The following KLK14 variants were observed in gnomAD, a reference collection of about 807,000 sequenced individuals.
The protein encoded by KLK14 is kallikrein-14.
KLK14 carries 21 observed loss-of-function variants against 24.6 expected under a neutral mutation model. The ratio of observed to expected loss-of-function variants is 0.85; its 90% CI spans 0.61 to 1.23. The LOEUF is 1.23. Among genes scored for constraint, KLK14 ranks in the 50% most tolerant of loss-of-function variants. KLK14 has a pLI of 0.00. For synonymous variants in KLK14, 133 were observed against 139.7 expected (o/e 0.95, Z 0.34); for missense variants, 320 against 338.9 (o/e 0.94, Z 0.44).
rs371735662 is a variant in KLK14, at chr19:51,081,662, C to T, written c.82G>A (p.Gly28Ser). The T allele has an allele frequency of 3.9e-6, 6 of 1,552,136 alleles. No homozygotes were observed. In the African/African-American group the frequency reaches 8.2e-5, roughly 21 times the overall value. ...SQEDENKIIG[G>S]HTCTRSSQPW... ...TGGGAGCTCCGGGTGCACGTATGGC[C>T]ACCAATTATCTTGTTCTCATCCTCT... is the stretch of plus-strand genomic sequence containing the variant. The change falls in exon 3 of 6, where the codon GGC becomes AGC. Residue 28 changes from glycine to serine, a missense_variant. Physicochemically the swap from Gly to Ser is moderately conservative, Grantham distance 56. Coordinates refer to ENST00000650543, the MANE Select transcript of KLK14 (RefSeq NM_001369775.2).
In KLK14 at chr19:51,078,245, G is replaced by A; in HGVS notation, c.604-86C>T. On this transcript the variant is annotated intron_variant, in intron 5 of 5. Transcript: ENST00000650543. The surrounding 1 kb of genome is among the most constrained non-coding windows in gnomAD (Gnocchi z 5.0). ...CAGAGAACCCGAGAAGCAGACACAG[G>A]GAGACAGGCAGAGACACTGGTGGAC... 1 of 1,409,134 alleles carries A rather than the reference G, an allele frequency of 7.1e-7. No homozygotes were observed. The highest frequency in any genetic ancestry group is 9.7e-7 in the Non-Finnish European group (1 of 1,029,878). The allele number at this position is 1,409,134 out of a possible 1,614,324, so 87.3% of individuals were successfully genotyped here.
At chr19:51,083,238 G>A (rs111311559), upstream of KLK14, among the ~76,000 whole-genome samples, 8 of 149,022 alleles carry the variant, frequency 5.4e-5, no homozygotes, top group South Asian at 2.1e-4. Flanking sequence ...GCTGAGAGAG[G>A]GAGGAAGAGA....
Position 51,079,516 on chromosome 19 carries a change from G to A in KLK14, c.399C>T (p.Thr133=), listed in dbSNP as rs747206235. 3.1e-6 allele frequency: 5 copies of A among 1,613,834 alleles called. No individual in the cohort carries two copies. Among genetic ancestry groups the A allele is most frequent in the Non-Finnish European group, 3.4e-6 (4 of 1,180,014 alleles). ...AGGTCCCGGGGCTGGCACAGGCCTG[G>A]GTGACCTCAATGGGCCTGACTGCCC... is the stretch of plus-strand genomic sequence containing the variant. The part of the protein sequence containing the change: ...IGRAVRPIEV[T]QACASPGTSC... The change falls in exon 4 of 6, where the codon ACC becomes ACT. Residue 133 remains threonine (T), a synonymous_variant. Coordinates refer to ENST00000650543, the MANE Select transcript of KLK14 (RefSeq NM_001369775.2).
chr19:51,080,182 A>ATT lies in KLK14; in HGVS notation c.213-482_213-481dup, dbSNP rs5828456. Reference sequence around the variant, plus strand: ...GGATTATGACTTGATTTATTTATTTATTTTTTTTTTGTGATGGAGTCTCGC... The same window carrying ATT: ...GGATTATGACTTGATTTATTTATTTATTTTTTTTTTTTGTGATGGAGTCTCGC... On this transcript the variant is annotated intron_variant, in intron 3 of 5. Coordinates refer to ENST00000650543, the MANE Select transcript of KLK14 (RefSeq NM_001369775.2). Among the ~76,000 whole-genome samples the ATT allele has an allele frequency of 1.7e-3, 249 of 145,114 alleles. 3 individuals carry two copies. In the South Asian group the frequency reaches 0.039, roughly 23 times the overall value.
At position 51,079,563 on chromosome 19, in the gene KLK14, G is replaced by A; in HGVS notation, c.352C>T (p.Gln118Ter). Reference sequence around the variant, plus strand: ...GCCCTCCCGATCCGTGCGGGCTGCTGTAGCTGCAGCAGCATGAGGTCGTTG... The same window carrying A: ...GCCCTCCCGATCCGTGCGGGCTGCTATAGCTGCAGCAGCATGAGGTCGTTG... ...HDNDLMLLQLQQPARIGRAVR... is the reference protein window; with the variant it reads ...HDNDLMLLQL The change falls in exon 4 of 6, where the codon CAG (glutamine) becomes TAG (stop). Residue 118 changes from glutamine to a stop codon, truncating the protein, a stop_gained. Coordinates refer to ENST00000650543, the MANE Select transcript of KLK14 (RefSeq NM_001369775.2). LOFTEE classifies it high-confidence loss of function. 4 of 1,614,028 alleles carry A rather than the reference G, an allele frequency of 2.5e-6. No homozygotes were observed. The highest frequency in any genetic ancestry group is 1.1e-5 in the South Asian group (1 of 91,058).
upstream of KLK14, among the ~76,000 whole-genome samples, chr19:51,083,612 G>C (rs1158831008): frequency 3.9e-5 from 6 of 152,014 alleles, no homozygotes; most frequent in African/African-American, 1.4e-4. Context: ...TGAGGAGAGA[G>C]CTGGAGAAAC....
In KLK14 at chr19:51,082,199, G is replaced by GCCACC. The variant is rs1568598864; in HGVS notation, c.40+375_40+376insGGTGG. Among the ~76,000 whole-genome samples the GCCACC allele has an allele frequency of 3.2e-3, 479 of 148,850 alleles. 6 individuals carry two copies. The highest frequency in any genetic ancestry group is 0.011 in the African/African-American group (433 of 38,966). The stretch of plus-strand genomic sequence containing the variant: ...TCCCGCCACCCCATGCCACGATCCC[G>GCCACC]CCATCCCATCATCCTTCTCCACCTT... On this transcript the variant is annotated intron_variant, in intron 2 of 5. Coordinates refer to ENST00000650543, the MANE Select transcript of KLK14 (RefSeq NM_001369775.2).
Position 51,082,730 on chromosome 19 carries a change from C to T in KLK14, c.-31G>A. On this transcript the variant is annotated 5_prime_UTR_variant, in exon 1 of 6. Coordinates refer to ENST00000650543, the MANE Select transcript of KLK14 (RefSeq NM_001369775.2). ...CAGCAAGGGGCACTTACCCAGAGCCCAAGACCCTCAGGGACATGAAGACAC... is the reference window on the plus strand; with the variant it reads ...CAGCAAGGGGCACTTACCCAGAGCCTAAGACCCTCAGGGACATGAAGACAC... 1 of 1,613,956 alleles carries T rather than the reference C, an allele frequency of 6.2e-7. No individual in the cohort carries two copies. Among genetic ancestry groups the T allele is most frequent in the Non-Finnish European group, 8.5e-7 (1 of 1,179,990 alleles).
At position 51,078,706 on chromosome 19, in the gene KLK14, G is replaced by A; in HGVS notation, c.603+109C>T. On this transcript the variant is annotated intron_variant, in intron 5 of 5. Transcript: ENST00000650543. The surrounding 1 kb of genome is among the most constrained non-coding windows in gnomAD (Gnocchi z 5.0). Reference sequence around the variant, plus strand: ...TGGCTATCGGAATCTCTCTGTGCCTGCGGTTCACTCTCTTCTGAAGACCTC... The same window carrying A: ...TGGCTATCGGAATCTCTCTGTGCCTACGGTTCACTCTCTTCTGAAGACCTC... 7.1e-7 allele frequency: 1 copy of A among 1,413,244 alleles called. No individual in the cohort carries two copies. Among genetic ancestry groups the A allele is most frequent in the South Asian group, 1.3e-5 (1 of 75,060 alleles). 87.5% of individuals were successfully genotyped at this position (1,413,244 alleles called of 1,614,324 possible).
In KLK14 at chr19:51,078,139, C is replaced by G; in HGVS notation, c.624G>C (p.Leu208=). The change falls in exon 6 of 6, where the codon CTG becomes CTC. Residue 208 remains leucine, a synonymous_variant. Transcript: ENST00000650543. This position sits in a 1 kb window ranked among gnomAD's most constrained non-coding sequence, Gnocchi z 5.0. ...DSCQGDSGGP[L]VCRGQLQGLV... Reference sequence around the variant, plus strand: ...GGCCCTGGAGCTGTCCTCTGCACACCAGGGGTCCCCCAGAGTCACCCTGAG... The same window carrying G: ...GGCCCTGGAGCTGTCCTCTGCACACGAGGGGTCCCCCAGAGTCACCCTGAG... 2 of 1,613,762 alleles carry G rather than the reference C, an allele frequency of 1.2e-6. No homozygotes were observed. Among genetic ancestry groups the G allele is most frequent in the African/African-American group, 1.3e-5 (1 of 75,038 alleles).
Position 51,078,198 on chromosome 19 carries a change from G to A in KLK14, c.604-39C>T, listed in dbSNP as rs1210171028. The A allele has an allele frequency of 6.2e-6, 10 of 1,602,088 alleles. No individual in the cohort carries two copies. The African/African-American group carries it at 1.2e-4, about 19-fold the overall frequency. On this transcript the variant is annotated intron_variant, in intron 5 of 5. Coordinates refer to ENST00000650543, the MANE Select transcript of KLK14 (RefSeq NM_001369775.2). This position sits in a 1 kb window ranked among gnomAD's most constrained non-coding sequence, Gnocchi z 5.0. The stretch of plus-strand genomic sequence containing the variant: ...ACAGAAATGGAGACACTGATGGACA[G>A]GTAGCCAGAGCCACCATGGCACAGA...
At position 51,078,437 on chromosome 19, in the gene KLK14, T is replaced by C. The variant is rs2091816887; in HGVS notation, c.604-278A>G. ...TCCAACTGTAGAACATTTGTGTGTC[T>C]CTCTTTTTCTATTTCCCCATCTCTG... On this transcript the variant is annotated intron_variant, in intron 5 of 5. Coordinates refer to ENST00000650543, the MANE Select transcript of KLK14 (RefSeq NM_001369775.2). The surrounding 1 kb of genome is among the most constrained non-coding windows in gnomAD (Gnocchi z 5.0). Among the ~76,000 whole-genome samples the C allele has an allele frequency of 6.6e-6, 1 of 152,102 alleles. No homozygotes were observed. Among genetic ancestry groups the C allele is most frequent in the African/African-American group, 2.4e-5 (1 of 41,398 alleles).
Position 51,079,557 on chromosome 19 carries a change from G to C in KLK14, c.358C>G (p.Pro120Ala). The C allele has an allele frequency of 6.2e-7, 1 of 1,614,008 alleles. No homozygotes were observed. Among genetic ancestry groups the C allele is most frequent in the South Asian group, 1.1e-5 (1 of 91,056 alleles). ...CTGACTGCCCTCCCGATCCGTGCGG[G>C]CTGCTGTAGCTGCAGCAGCATGAGG... Reference protein sequence around the residue: ...NDLMLLQLQQPARIGRAVRPI... With the variant: ...NDLMLLQLQQAARIGRAVRPI... Residue 120 changes from proline to alanine, a missense_variant, in exon 4 of 6, where the codon CCC becomes GCC. By Grantham distance (27) the Pro-to-Ala change is conservative. Transcript: ENST00000650543.
chr19:51,079,832 G>A lies in KLK14; in HGVS notation c.213-130C>T. ...CTAGCCTGCTTCTCACTAACTGCAG[G>A]CCGAGCATTCTTGGCCTCCTGTGCC... On this transcript the variant is annotated intron_variant, in intron 3 of 5. Coordinates refer to ENST00000650543, the MANE Select transcript of KLK14 (RefSeq NM_001369775.2). 9 of 1,388,376 alleles carry A rather than the reference G, an allele frequency of 6.5e-6. No individual in the cohort carries two copies. The South Asian group carries it at 1.3e-4, about 20-fold the overall frequency. The allele number at this position is 1,388,376 out of a possible 1,614,324, so 86.0% of individuals were successfully genotyped here.
rs1377024641 is a variant in KLK14 at position 51,079,312 on chromosome 19, T to G, written c.466+137A>C. 5 of 889,872 alleles carry G rather than the reference T, an allele frequency of 5.6e-6. No individual in the cohort carries two copies. The African/African-American group carries it at 7.8e-5, about 14-fold the overall frequency. The allele number at this position is 889,872 out of a possible 1,614,324, so 55.1% of individuals were successfully genotyped here. On this transcript the variant is annotated intron_variant, in intron 4 of 5. Transcript: ENST00000650543. ...CCCAGGAGTCCAGGCCTCAGCCCCC[T>G]CCTCCCTCAGACCCAGGAGTCCAGG... is the stretch of plus-strand genomic sequence containing the variant.
rs757006659 is a variant in KLK14, at chr19:51,078,145, TC to T, written c.617del (p.Gly206AspfsTer?). On this transcript the variant is annotated frameshift_variant, in exon 6 of 6. Coordinates refer to ENST00000650543, the MANE Select transcript of KLK14 (RefSeq NM_001369775.2). LOFTEE classifies it low-confidence loss of function (END_TRUNC). This position sits in a 1 kb window ranked among gnomAD's most constrained non-coding sequence, Gnocchi z 5.0. The stretch of plus-strand genomic sequence containing the variant: ...GGAGCTGTCCTCTGCACACCAGGGG[TC>T]CCCCAGAGTCACCCTGAGGGGGAGG... ...GKDSCQGDSG[G>X]PLVCRGQLQG... 2 of 1,613,262 alleles carry T rather than the reference TC, an allele frequency of 1.2e-6. No individual in the cohort carries two copies. Among genetic ancestry groups the T allele is most frequent in the South Asian group, 2.2e-5 (2 of 91,052 alleles).
Position 51,078,229 on chromosome 19 carries a change from C to A in KLK14, c.604-70G>T. 1.3e-6 allele frequency: 2 copies of A among 1,513,246 alleles called. No homozygotes were observed. Among genetic ancestry groups the A allele is most frequent in the South Asian group, 2.4e-5 (2 of 84,376 alleles). The allele number at this position is 1,513,246 out of a possible 1,614,324, so 93.7% of individuals were successfully genotyped here. A position where few individuals can be genotyped will look rare whatever the true frequency, so the allele number is the denominator to read the frequency against. On this transcript the variant is annotated intron_variant, in intron 5 of 5. Coordinates refer to ENST00000650543, the MANE Select transcript of KLK14 (RefSeq NM_001369775.2). The surrounding 1 kb of genome is among the most constrained non-coding windows in gnomAD (Gnocchi z 5.0). ...CAGAGCCACCATGGCACAGAGAACC[C>A]GAGAAGCAGACACAGGGAGACAGGC...
Position 51,078,533 on chromosome 19 carries a change from G to T in KLK14, c.603+282C>A, listed in dbSNP as rs1433920539. Reference sequence around the variant, plus strand: ...CTTTCCCAGACCCATATGAGCAGAGGCCACTCTGCGATCTTTCCCCAACCT... The same window carrying T: ...CTTTCCCAGACCCATATGAGCAGAGTCCACTCTGCGATCTTTCCCCAACCT... On this transcript the variant is annotated intron_variant, in intron 5 of 5. Coordinates refer to ENST00000650543, the MANE Select transcript of KLK14 (RefSeq NM_001369775.2). This position sits in a 1 kb window ranked among gnomAD's most constrained non-coding sequence, Gnocchi z 5.0. Among the ~76,000 whole-genome samples, 1 of 152,100 alleles carries T rather than the reference G, an allele frequency of 6.6e-6. No homozygotes were observed. Among genetic ancestry groups the T allele is most frequent in the Non-Finnish European group, 1.5e-5 (1 of 68,006 alleles).
chr19:51,077,947 T>A lies in KLK14; in HGVS notation c.*60A>T. 6.3e-7 allele frequency: 1 copy of A among 1,591,866 alleles called. No homozygotes were observed. Among genetic ancestry groups the A allele is most frequent in the Non-Finnish European group, 8.6e-7 (1 of 1,167,316 alleles). ...AGGGGCTGGGGCCTGGACTCCTGGG[T>A]CCTGAGTAGAGAGAGGAGGGCCTGG... On this transcript the variant is annotated 3_prime_UTR_variant, in exon 6 of 6. Transcript: ENST00000650543.
Sources: gnomAD v4.1 joint callset for allele counts (sites outside exome capture counted in the v4.1 genomes callset) on GRCh38, gnomAD v4.1.1 for gene constraint, Gnocchi (gnomAD v3.1) non-coding constraint, MANE v1.5 for transcripts, NCBI Gene and HGNC (gene_info 2026-07-23, HGNC 2026-07-21) for gene names.